BAG2: variants seen among roughly 807,000 people sequenced by gnomAD.
The protein encoded by BAG2 is BAG cochaperone 2, also known as BAG family molecular chaperone regulator 2.
A neutral mutation model predicts 16.4 loss-of-function variants in BAG2; 8 were observed. The observed-to-expected ratio is 0.49, with a 90% confidence interval of 0.29 to 0.88. The LOEUF (loss-of-function observed/expected upper bound fraction) is 0.88. Ranked by LOEUF, BAG2 falls within the 40% of genes least tolerant of loss-of-function variation. BAG2 has a pLI of 0.09. For synonymous variants in BAG2, 82 were observed against 89.2 expected, an observed-to-expected ratio of 0.92 and a Z score of 0.46; for missense variants, 218 against 248.9, an observed-to-expected ratio of 0.88 and a Z score of 0.84.
In BAG2 at chr6:57,188,706, G is replaced by GTGAC. The variant is rs1764710803; in HGVS notation, c.*4517_*4520dup. 6.6e-6 allele frequency: 1 copy of GTGAC among 152,118 alleles called. No individual in the cohort carries two copies. The highest frequency in any genetic ancestry group is 2.4e-5 in the African/African-American group (1 of 41,412). 9.4% of individuals were successfully genotyped at this position (152,118 alleles called of 1,614,324 possible). Reference sequence around the variant, plus strand: ...TCAGCAATGGGAGTGGTGACAACTGGTGACATAAAAATAAGCATTTTACAT... The same window carrying GTGAC: ...TCAGCAATGGGAGTGGTGACAACTGGTGACTGACATAAAAATAAGCATTTTACAT... On this transcript the variant is annotated 3_prime_UTR_variant, in exon 3 of 3. Coordinates refer to ENST00000370693, the MANE Select transcript of BAG2 (RefSeq NM_004282.4).
intron 1 of BAG2, chr6:57,173,497 G>C: frequency 1.0e-6 from 1 of 984,944 alleles, no homozygotes; most frequent in Non-Finnish European, 1.2e-6. Context: ...AGAAGACTAA[G>C]TGCTAGTTAC....
At chr6:57,183,252 G>A (rs1354242294) in intron 2 of BAG2, among the ~76,000 whole-genome samples, 3 of 151,244 alleles carry the variant, frequency 2.0e-5, no homozygotes, top group South Asian at 2.1e-4. Flanking sequence ...AGAGCTCCTC[G>A]TGCTGGCCAA....
intron 1 of BAG2, among the ~76,000 whole-genome samples, chr6:57,179,770 GGTATATTCATGT>G (rs901538515): frequency 8.6e-5 from 13 of 151,772 alleles, no homozygotes; most frequent in African/African-American, 3.1e-4. Flanking sequence ...TTAGTGACTG[GGTATATTCATGT>G]GTGTGTATAG....
rs147813389 is a variant in BAG2, at chr6:57,175,620, A to G, written c.113+2810A>G. ...AGTGAGGGCATACTCTTTTTGTCCAATCACTTTTCTACATGGTTGTCATTC... is the reference window on the plus strand; with the variant it reads ...AGTGAGGGCATACTCTTTTTGTCCAGTCACTTTTCTACATGGTTGTCATTC... On this transcript the variant is annotated intron_variant, in intron 1 of 2. Transcript: ENST00000370693. 5.7e-3 allele frequency among the ~76,000 whole-genome samples: 873 copies of G among 152,278 alleles called. 12 individuals are homozygous for G. Among genetic ancestry groups the G allele is most frequent in the African/African-American group, 0.02 (822 of 41,550 alleles).
At chr6:57,174,279 C>A in intron 1 of BAG2, 1 of 1,298,452 alleles carries the variant, frequency 7.7e-7, no homozygotes, top group Non-Finnish European at 1.0e-6. Flanking sequence ...ACTTCATTCT[C>A]CTCTCCCTTA....
intron 1 of BAG2, among the ~76,000 whole-genome samples, chr6:57,179,832 T>C (rs1275726098): frequency 2.6e-5 from 4 of 152,096 alleles, no homozygotes; most frequent in African/African-American, 9.7e-5. Flanking sequence ...AGTGGGAAAG[T>C]AGTGCTTCTA....
At position 57,189,577 on chromosome 6, in the gene BAG2, T is replaced by A. The variant is rs1764752648; in HGVS notation, c.*5387T>A. ...CTCACCATGCTTATGGGTGACTATA[T>A]CAAAAAGATCTGCAATAAGGCTCAC... On this transcript the variant is annotated 3_prime_UTR_variant, in exon 3 of 3. Coordinates refer to ENST00000370693, the MANE Select transcript of BAG2 (RefSeq NM_004282.4). 6.6e-6 allele frequency: 1 copy of A among 152,444 alleles called. No individual in the cohort carries two copies. Among genetic ancestry groups the A allele is most frequent in the Non-Finnish European group, 1.5e-5 (1 of 68,034 alleles). 9.4% of individuals were successfully genotyped at this position (152,444 alleles called of 1,614,324 possible). A position where few individuals can be genotyped will look rare whatever the true frequency, so the allele number is the denominator to read the frequency against.
intron 1 of BAG2, chr6:57,173,398 C>T (rs904144826): frequency 3.1e-5 from 31 of 985,234 alleles, no homozygotes; most frequent in Non-Finnish European, 3.7e-5. Context: ...GCAGCAGAGA[C>T]GTTGCCGCTT....
intron 1 of BAG2, 44 bp downstream of exon 1, chr6:57,172,854 G>A (rs1764163075): frequency 2.8e-6 from 4 of 1,408,642 alleles, no homozygotes; most frequent in South Asian, 3.0e-5. Flanking sequence ...CTCGCCGCGC[G>A]GGCGGTTCGC....
rs35189709 is a variant in BAG2, at chr6:57,182,041, T to C, written c.123T>C (p.Ala41=). The C allele has an allele frequency of 4.4e-5, 71 of 1,613,994 alleles. No homozygotes were observed. Among genetic ancestry groups the C allele is most frequent in the Middle Eastern group, 1.6e-4 (1 of 6,062 alleles). ...TTCCCAATTTCTATAGGGTTGAAGC[T>C]TTGAGAGAAGCAGCAACTGCTGTTG... ...SLDQLELRVE[A]LREAATAVEQ... The change falls in exon 2 of 3, where the codon GCT becomes GCC. Residue 41 remains alanine, a synonymous_variant. Transcript: ENST00000370693.
At chr6:57,173,076 T>A in intron 1 of BAG2, 1 of 936,504 alleles carries the variant, frequency 1.1e-6, no homozygotes, top group Non-Finnish European at 1.4e-6. Flanking sequence ...TTTGATTAAT[T>A]TACCTAGGTG....
chr6:57,179,175 A>C (rs1346830634), intron 1 of BAG2, among the ~76,000 whole-genome samples: 2 of 152,108 alleles, frequency 1.3e-5, no homozygotes, highest in Admixed American at 6.5e-5. Flanking sequence ...TCTGGGCCCT[A>C]GTTTATCTTT....
At chr6:57,178,120 T>C (rs1422266955) in intron 1 of BAG2, among the ~76,000 whole-genome samples, 3 of 152,294 alleles carry the variant, frequency 2.0e-5, no homozygotes, top group South Asian at 4.1e-4. Flanking sequence ...AGAACTGCCC[T>C]TCTCCGCCAG....
chr6:57,175,060 A>G (rs1764238394), intron 1 of BAG2, among the ~76,000 whole-genome samples: 1 of 152,216 alleles, frequency 6.6e-6, no homozygotes, highest in African/African-American at 2.4e-5. Context: ...AATGGAATTT[A>G]TCAATACAGT....
intron 1 of BAG2, among the ~76,000 whole-genome samples, chr6:57,175,227 AATT>A (rs1764243017): frequency 7.2e-5 from 11 of 152,238 alleles, no homozygotes; most frequent in Admixed American, 5.9e-4. Context: ...ACTTTTTAAC[AATT>A]ATTGTAATTT....
chr6:57,184,225 G>T lies in BAG2; in HGVS notation c.*35G>T. 6.9e-7 allele frequency: 1 copy of T among 1,445,346 alleles called. No homozygotes were observed. The highest frequency in any genetic ancestry group is 1.7e-5 in the South Asian group (1 of 57,434). The allele number at this position is 1,445,346 out of a possible 1,614,324, so 89.5% of individuals were successfully genotyped here. A position where few individuals can be genotyped will look rare whatever the true frequency, so the allele number is the denominator to read the frequency against. On this transcript the variant is annotated 3_prime_UTR_variant, in exon 3 of 3. Coordinates refer to ENST00000370693, the MANE Select transcript of BAG2 (RefSeq NM_004282.4). ...CTAAGAGCATTTACACAATACACAA[G>T]GTGTAAAAATGATAAAATACTATTT...
Position 57,184,264 on chromosome 6 carries a change from GTTCT to G in BAG2, c.*77_*80del. 5.2e-6 allele frequency: 7 copies of G among 1,333,788 alleles called. No individual in the cohort carries two copies. Among genetic ancestry groups the G allele is most frequent in the African/African-American group, 1.5e-5 (1 of 66,854 alleles). The allele number at this position is 1,333,788 out of a possible 1,614,324, so 82.6% of individuals were successfully genotyped here. A position where few individuals can be genotyped will look rare whatever the true frequency, so the allele number is the denominator to read the frequency against. On this transcript the variant is annotated 3_prime_UTR_variant, in exon 3 of 3. Coordinates refer to ENST00000370693, the MANE Select transcript of BAG2 (RefSeq NM_004282.4). The stretch of plus-strand genomic sequence containing the variant: ...AAAATACTATTTTAATTGATAACTA[GTTCT>G]TTGTTAGGTATAACCACTTAGTTGA...
rs767706550 is a variant in BAG2 at position 57,184,158 on chromosome 6, CT to C, written c.605del (p.Leu202ArgfsTer15). ...EHSKGAGSKTLQQNAESRFN is the reference protein window; with the variant it reads ...EHSKGAGSKTXQQNAESRFN The stretch of plus-strand genomic sequence containing the variant: ...TTCTAAAGGAGCTGGTTCCAAAACT[CT>C]GCAACAAAATGCTGAAAGCAGATTC... On this transcript the variant is annotated frameshift_variant, in exon 3 of 3. Coordinates refer to ENST00000370693, the MANE Select transcript of BAG2 (RefSeq NM_004282.4). LOFTEE classifies it high-confidence loss of function. 3.2e-6 allele frequency: 5 copies of C among 1,558,632 alleles called. No individual in the cohort carries two copies. The highest frequency in any genetic ancestry group is 4.3e-6 in the Non-Finnish European group (5 of 1,161,226).
chr6:57,181,693 A>C (rs185762115), intron 1 of BAG2, among the ~76,000 whole-genome samples: 17 of 152,338 alleles, frequency 1.1e-4, no homozygotes, highest in Non-Finnish European at 2.2e-4. Context: ...AGACTGTCTC[A>C]AAAACAAAAA....
Sources: allele counts gnomAD v4.1 joint callset (sites outside exome capture counted in the v4.1 genomes callset), GRCh38; gene constraint gnomAD v4.1.1; transcripts MANE v1.5; gene names NCBI Gene and HGNC (gene_info 2026-07-23, HGNC 2026-07-21).